Variants in B4GALT1 observed in about 807,000 individuals in gnomAD.
B4GALT1 encodes N-acetyllactosamine synthase.
A neutral mutation model predicts 34.9 loss-of-function variants in B4GALT1; 16 were observed. The ratio of observed to expected loss-of-function variants is 0.46; its 90% CI spans 0.31 to 0.70. B4GALT1 has a LOEUF of 0.70. B4GALT1 is among the 30% of genes least tolerant of loss of function. The pLI is 0.05. For missense variants in B4GALT1, 445 were observed against 530.5 expected (o/e 0.84, Z 1.58); for synonymous variants, 221 against 218.1 (o/e 1.01, Z -0.12).
Position 33,146,876 on chromosome 9 carries a change from T to G in B4GALT1, c.413-11452A>C, listed in dbSNP as rs536424626. 1.8e-3 allele frequency among the ~76,000 whole-genome samples: 279 copies of G among 152,252 alleles called. 1 individual carries two copies. The highest frequency in any genetic ancestry group is 6.4e-3 in the African/African-American group (266 of 41,530). On this transcript the variant is annotated intron_variant, in intron 1 of 5. Transcript: ENST00000379731. The stretch of plus-strand genomic sequence containing the variant: ...ACACCACATCCAGCTAATTTTTGTA[T>G]TTTTAGTAAAGACGGGGTTTCGCCA...
At chr9:33,158,733 T>G (rs536031440) in intron 1 of B4GALT1, among the ~76,000 whole-genome samples, 1 of 152,242 alleles carries the variant, frequency 6.6e-6, no homozygotes, top group African/African-American at 2.4e-5. Flanking sequence ...TCCCTGCACC[T>G]CCTCAGTACC....
chr9:33,115,310 G>A (rs1360329511), intron 4 of B4GALT1, among the ~76,000 whole-genome samples: 5 of 152,260 alleles, frequency 3.3e-5, no homozygotes, highest in Non-Finnish European at 7.3e-5. Flanking sequence ...AATGAGCTCA[G>A]ACTGGCTCCT....
At chr9:33,167,435 G>A (rs1840785521), upstream of B4GALT1, 1 of 192,158 alleles carries the variant, frequency 5.2e-6, no homozygotes, top group African/African-American at 2.4e-5. Flanking sequence ...ACGAGGGCGG[G>A]AAGGCGGGGC....
rs531529824 is a variant in B4GALT1, at chr9:33,112,691, C to T, written c.*763G>A. The T allele has an allele frequency of 6.5e-5, 10 of 152,724 alleles. No homozygotes were observed. In the East Asian group the frequency reaches 1.9e-3, roughly 29 times the overall value. 9.5% of individuals were successfully genotyped at this position (152,724 alleles called of 1,614,324 possible). ...AAATTTGGATCAACACAAAATCAAG[C>T]TAGATCATAATTAGAACTCGATCTG... On this transcript the variant is annotated 3_prime_UTR_variant, in exon 6 of 6. Transcript: ENST00000379731.
chr9:33,107,993 T>C (rs1839811924), downstream of B4GALT1, among the ~76,000 whole-genome samples: 1 of 152,110 alleles, frequency 6.6e-6, no homozygotes, highest in Admixed American at 6.5e-5. Flanking sequence ...AAAGGGAAGA[T>C]CCCCAGCACC....
chr9:33,122,432 G>A (rs1194861252), intron 2 of B4GALT1, among the ~76,000 whole-genome samples: 1 of 152,078 alleles, frequency 6.6e-6, no homozygotes, highest in Admixed American at 6.5e-5. Context: ...ACTGATCCCA[G>A]GGAGGTTGAG....
chr9:33,156,721 G>A (rs1382661251), intron 1 of B4GALT1, among the ~76,000 whole-genome samples: 1 of 152,170 alleles, frequency 6.6e-6, no homozygotes. Flanking sequence ...AAATGATCAG[G>A]CGCCCAGGCT....
At chr9:33,132,527 A>G (rs1264089778) in intron 2 of B4GALT1, among the ~76,000 whole-genome samples, 2 of 152,166 alleles carry the variant, frequency 1.3e-5, no homozygotes, top group Non-Finnish European at 2.9e-5. Flanking sequence ...TTGGAGAAGC[A>G]CTCTCTTAGG....
intron 1 of B4GALT1, among the ~76,000 whole-genome samples, chr9:33,158,123 T>G (rs957946307): frequency 3.3e-5 from 5 of 151,590 alleles, no homozygotes; most frequent in Non-Finnish European, 5.9e-5. Context: ...AACCAGGTTT[T>G]CCCCCCCACT....
downstream of B4GALT1, among the ~76,000 whole-genome samples, chr9:33,106,052 G>A (rs1373269041): frequency 6.6e-6 from 1 of 151,720 alleles, no homozygotes; most frequent in African/African-American, 2.4e-5. Context: ...TTTTCCATAG[G>A]GGTTCCACCA....
chr9:33,116,171 A>C (rs1332065054), intron 3 of B4GALT1, 58 bp from the exon 4 acceptor site: 6 of 1,589,520 alleles, frequency 3.8e-6, no homozygotes, highest in Non-Finnish European at 5.2e-6. Context: ...TGACATCCCC[A>C]AAATAAAGCT....
At chr9:33,142,203 G>A (rs1402293840) in intron 1 of B4GALT1, among the ~76,000 whole-genome samples, 2 of 152,084 alleles carry the variant, frequency 1.3e-5, no homozygotes, top group African/African-American at 2.4e-5. Context: ...GGATGGTCTC[G>A]ATCTCTTGAC....
chr9:33,166,982 C>G lies in B4GALT1; in HGVS notation c.188G>C (p.Gly63Ala). 2 of 1,587,214 alleles carry G rather than the reference C, an allele frequency of 1.3e-6. No individual in the cohort carries two copies. The highest frequency in any genetic ancestry group is 1.3e-5 in the African/African-American group (1 of 74,890). Residue 63 changes from glycine (G) to alanine (A), a missense_variant, in exon 1 of 6, where the codon GGC becomes GCC. Around this residue, in one of 3 missense-constraint regions of B4GALT1, gnomAD observed 349 missense variants for 395.5 expected, o/e 0.88. Coordinates refer to ENST00000379731, the MANE Select transcript of B4GALT1 (RefSeq NM_001497.4). ...CCCGATGGCGGCGGCACTGTTCGAG[C>G]CGCCCTGCAGCGGTGTGGAGACTCC... The part of the protein sequence containing the change: ...LVGVSTPLQG[G>A]SNSAAAIGQS...
At chr9:33,126,341 C>G (rs1432978354) in intron 2 of B4GALT1, among the ~76,000 whole-genome samples, 1 of 152,184 alleles carries the variant, frequency 6.6e-6, no homozygotes, top group Non-Finnish European at 1.5e-5. Flanking sequence ...CAGAGAATTA[C>G]TGGAAACAGC....
At chr9:33,162,780 C>T (rs953590860) in intron 1 of B4GALT1, among the ~76,000 whole-genome samples, 1 of 152,174 alleles carries the variant, frequency 6.6e-6, no homozygotes, top group African/African-American at 2.4e-5. Context: ...CAGGTGGAGG[C>T]GGTGCCTTGT....
At chr9:33,107,236 G>A (rs187117153), downstream of B4GALT1, among the ~76,000 whole-genome samples, 4 of 152,278 alleles carry the variant, frequency 2.6e-5, no homozygotes, top group Admixed American at 1.3e-4. Flanking sequence ...TGCCATGACC[G>A]GCTCAGCCAG....
At chr9:33,181,450 AC>A in the B4GALT1 span, among the ~76,000 whole-genome samples, 31 of 151,508 alleles carry the variant, frequency 2.0e-4, no homozygotes, top group Admixed American at 1.4e-3. Context: ...ACACACACAC[AC>A]ACACACACAA....
At chr9:33,152,391 A>C (rs1193927927) in intron 1 of B4GALT1, among the ~76,000 whole-genome samples, 1 of 151,614 alleles carries the variant, frequency 6.6e-6, no homozygotes, top group East Asian at 1.9e-4. Flanking sequence ...AGCTAAAGAA[A>C]CCAGAGATAA....
intron 1 of B4GALT1, among the ~76,000 whole-genome samples, chr9:33,165,305 C>T (rs1840733597): frequency 7.4e-6 from 1 of 135,940 alleles, no homozygotes; most frequent in African/African-American, 2.7e-5. Context: ...CTCATTTAGT[C>T]TTAAAAAAAC....
Sources: allele counts gnomAD v4.1 joint callset (sites outside exome capture counted in the v4.1 genomes callset), GRCh38; gene constraint gnomAD v4.1.1; regional missense constraint gnomAD v4.1.1; transcripts MANE v1.5; gene names NCBI Gene and HGNC (gene_info 2026-07-23, HGNC 2026-07-21).